The following EPB41L5 variants were observed in gnomAD, a reference collection of about 807,000 sequenced individuals.
EPB41L5 encodes the protein band 4.1-like protein 5.
Under a neutral mutation model 106.6 loss-of-function variants are expected in EPB41L5, and 55 were observed. That is an observed-to-expected ratio of 0.52 (90% CI 0.42 to 0.65). EPB41L5 has a LOEUF of 0.65. Ranked by LOEUF, EPB41L5 falls within the 30% of genes least tolerant of loss-of-function variation. The pLI is 0.00. For missense variants in EPB41L5, 871 were observed against 882.1 expected (o/e 0.99, Z 0.16); for synonymous variants, 297 against 306.7 (o/e 0.97, Z 0.33).
intron 3 of EPB41L5, among the ~76,000 whole-genome samples, chr2:120,045,223 G>T (rs950249069): frequency 1.6e-4 from 24 of 152,278 alleles, no homozygotes; most frequent in African/African-American, 5.5e-4. Context: ...TCATCATGGA[G>T]ATAACCAAAA....
chr2:120,050,965 G>C (rs1045759609), intron 3 of EPB41L5, among the ~76,000 whole-genome samples: 1 of 152,240 alleles, frequency 6.6e-6, no homozygotes, highest in Non-Finnish European at 1.5e-5. Flanking sequence ...GGAGGCTGCA[G>C]AACAGTGAAT....
chr2:120,101,702 G>GT (rs1254115741), intron 16 of EPB41L5: 1 of 152,222 alleles, frequency 6.6e-6, no homozygotes. Flanking sequence ...GTTGGTGATT[G>GT]TTTTCAGTCT....
chr2:120,164,641 C>G (rs1687308903), intron 21 of EPB41L5, among the ~76,000 whole-genome samples, 195 bp from the exon 22 acceptor site: 1 of 152,150 alleles, frequency 6.6e-6, no homozygotes, highest in Non-Finnish European at 1.5e-5. Context: ...TTTTCACATC[C>G]TGATTGTAGT....
intron 3 of EPB41L5, among the ~76,000 whole-genome samples, chr2:120,052,685 T>G (rs1355004159): frequency 1.3e-5 from 2 of 152,266 alleles, no homozygotes; most frequent in African/African-American, 4.8e-5. Context: ...CTTTGAGCTC[T>G]GCCTTACTTT....
intron 12 of EPB41L5, 77 bp downstream of exon 12, chr2:120,090,593 C>T (rs1683344137): frequency 3.8e-6 from 5 of 1,303,644 alleles, no homozygotes; most frequent in Middle Eastern, 1.9e-4. Flanking sequence ...CTCTTTTTTA[C>T]AGATATGGTA....
chr2:120,036,747 A>G (rs1282374788), intron 2 of EPB41L5, among the ~76,000 whole-genome samples: 1 of 152,204 alleles, frequency 6.6e-6, no homozygotes, highest in Non-Finnish European at 1.5e-5. Context: ...TATAGAACAC[A>G]TTTGATGGGA....
chr2:120,016,028 A>G (rs566020625), intron 1 of EPB41L5, among the ~76,000 whole-genome samples: 1 of 152,212 alleles, frequency 6.6e-6, no homozygotes, highest in Non-Finnish European at 1.5e-5. Context: ...TAAATCAGTT[A>G]TGCTCCGAAA....
intron 1 of EPB41L5, among the ~76,000 whole-genome samples, chr2:120,015,061 C>A (rs1415080333): frequency 6.6e-6 from 1 of 150,772 alleles, no homozygotes; most frequent in East Asian, 2.0e-4. Flanking sequence ...CAGTGGCTCA[C>A]GCCTGTAATC....
In EPB41L5 at chr2:120,091,537, C is replaced by T. The variant is rs368555528; in HGVS notation, c.1044-18C>T. 3.1e-6 allele frequency: 5 copies of T among 1,589,782 alleles called. No individual in the cohort carries two copies. Among genetic ancestry groups the T allele is most frequent in the Non-Finnish European group, 4.3e-6 (5 of 1,159,256 alleles). On this transcript the variant is annotated intron_variant, in intron 12 of 24. Transcript: ENST00000263713. ...TGTAGACCTAAAATTTCCCTTACTTCTGTTATGCCTCATTTAGTGGGAAAA... is the reference window on the plus strand; with the variant it reads ...TGTAGACCTAAAATTTCCCTTACTTTTGTTATGCCTCATTTAGTGGGAAAA...
chr2:120,100,545 C>T (rs754952330), intron 15 of EPB41L5, among the ~76,000 whole-genome samples, 154 bp from the exon 16 acceptor site: 5 of 152,178 alleles, frequency 3.3e-5, no homozygotes, highest in Admixed American at 6.5e-5. Context: ...ACTAATATTT[C>T]ATTCATTAAC....
At chr2:120,087,891 T>C (rs898266981) in intron 11 of EPB41L5, among the ~76,000 whole-genome samples, 1 of 152,214 alleles carries the variant, frequency 6.6e-6, no homozygotes, top group African/African-American at 2.4e-5. Flanking sequence ...GGTTCTTAAT[T>C]GATACATGCT....
intron 21 of EPB41L5, among the ~76,000 whole-genome samples, chr2:120,161,853 A>T (rs1687151909): frequency 6.6e-6 from 1 of 152,126 alleles, no homozygotes; most frequent in Admixed American, 6.6e-5. Flanking sequence ...CCTTATAAGG[A>T]TCTAATGCCT....
chr2:120,120,533 C>T (rs987074398), intron 16 of EPB41L5, among the ~76,000 whole-genome samples: 1 of 151,436 alleles, frequency 6.6e-6, no homozygotes. Context: ...AACATACACC[C>T]TAGGATTGTT....
intron 16 of EPB41L5, chr2:120,104,896 C>A: frequency 1.0e-6 from 1 of 976,476 alleles, no homozygotes. Flanking sequence ...GAATGGTTAA[C>A]TGATTAACAT....
chr2:120,092,044 A>G (rs535423618), intron 13 of EPB41L5, among the ~76,000 whole-genome samples: 1 of 101,906 alleles, frequency 9.8e-6, no homozygotes, highest in African/African-American at 3.5e-5. Flanking sequence ...TTATTTATTT[A>G]TTTTGAGATA....
At chr2:120,063,700 C>T (rs1474603307) in intron 3 of EPB41L5, among the ~76,000 whole-genome samples, 2 of 152,128 alleles carry the variant, frequency 1.3e-5, no homozygotes, top group South Asian at 2.1e-4. Context: ...AATCCCAATA[C>T]TTTGTGAGGC....
At chr2:120,081,328 G>A (rs1682648658) in intron 10 of EPB41L5, among the ~76,000 whole-genome samples, 1 of 152,122 alleles carries the variant, frequency 6.6e-6, no homozygotes, top group African/African-American at 2.4e-5. Context: ...TCTACATACG[G>A]CTAGCCAGTT....
At chr2:120,164,745 G>A (rs1687313440) in intron 21 of EPB41L5, 91 bp from the exon 22 acceptor site, 3 of 830,266 alleles carry the variant, frequency 3.6e-6, no homozygotes, top group African/African-American at 3.4e-5. Flanking sequence ...TCAGGCCTGT[G>A]TCAGAATTAT....
At chr2:120,172,994 G>A (rs1028809601) in intron 24 of EPB41L5, among the ~76,000 whole-genome samples, 2 of 152,174 alleles carry the variant, frequency 1.3e-5, no homozygotes, top group Non-Finnish European at 2.9e-5. Flanking sequence ...TCGGGAGGCT[G>A]AGGCAAGGAG....
Sources: gnomAD v4.1 joint callset for allele counts (sites outside exome capture counted in the v4.1 genomes callset) on GRCh38, gnomAD v4.1.1 for gene constraint, MANE v1.5 for transcripts, NCBI Gene and HGNC (gene_info 2026-07-23, HGNC 2026-07-21) for gene names.